ZAP70: variants seen among roughly 807,000 people sequenced by gnomAD.
ZAP70 encodes the protein zeta chain of T cell receptor associated protein kinase 70.
Under a neutral mutation model 65.8 loss-of-function variants are expected in ZAP70, and 27 were observed. The observed-to-expected ratio is 0.41, with a 90% CI of 0.30 to 0.57. ZAP70 has a LOEUF of 0.57. ZAP70 is among the 20% of genes least tolerant of loss of function. ZAP70 has a pLI of 0.28. For missense variants in ZAP70, 696 were observed against 870.5 expected (o/e 0.80, Z 2.52); for synonymous variants, 363 against 360.8 (o/e 1.01, Z -0.07).
At chr2:97,717,845 A>G (rs1186500504) in intron 2 of ZAP70, among the ~76,000 whole-genome samples, 2 of 152,180 alleles carry the variant, frequency 1.3e-5, no homozygotes, top group Non-Finnish European at 2.9e-5. Context: ...TTACCCAGGG[A>G]GGCTGGGTGA....
chr2:97,726,807 C>G (rs1046076018), intron 4 of ZAP70, among the ~76,000 whole-genome samples: 1 of 152,260 alleles, frequency 6.6e-6, no homozygotes, highest in African/African-American at 2.4e-5. Flanking sequence ...AACTTCTGAA[C>G]AGGACAGGGC....
At chr2:97,753,125 T>C in the ZAP70 span, among the ~76,000 whole-genome samples, 1 of 152,244 alleles carries the variant, frequency 6.6e-6, no homozygotes, top group Non-Finnish European at 1.5e-5. Context: ...TGATGAGGCC[T>C]GAGTCATGCA....
At chr2:97,718,417 T>C (rs1259994522) in intron 2 of ZAP70, among the ~76,000 whole-genome samples, 1 of 152,160 alleles carries the variant, frequency 6.6e-6, no homozygotes, top group Non-Finnish European at 1.5e-5. Context: ...CTCCCCAGCA[T>C]CTCTGGCCAT....
At position 97,735,441 on chromosome 2, in the gene ZAP70, T is replaced by A. The variant is rs764958623; in HGVS notation, c.1274T>A (p.Phe425Tyr). ...EMAGGGPLHK[F>Y]LVGKREEIPV... The stretch of plus-strand genomic sequence containing the variant: ...GCTGGGGGCGGGCCGCTGCACAAGT[T>A]CCTGGTCGGCAAGAGGTGAGCACCG... The change falls in exon 10 of 14, where the codon TTC becomes TAC. Residue 425 changes from phenylalanine (F) to tyrosine (Y), a missense_variant. Phe to Tyr is a conservative substitution (Grantham distance 22). Coordinates refer to ENST00000264972, the MANE Select transcript of ZAP70 (RefSeq NM_001079.4). 2 of 1,606,778 alleles carry A rather than the reference T, an allele frequency of 1.2e-6. No individual in the cohort carries two copies. The highest frequency in any genetic ancestry group is 1.7e-6 in the Non-Finnish European group (2 of 1,176,310).
chr2:97,717,146 G>A (rs1676952477), intron 2 of ZAP70, among the ~76,000 whole-genome samples: 1 of 152,186 alleles, frequency 6.6e-6, no homozygotes, highest in South Asian at 2.1e-4. Context: ...GAGCACAGCT[G>A]GGGGATTAAG....
At chr2:97,719,781 G>C (rs1677090251) in intron 2 of ZAP70, among the ~76,000 whole-genome samples, 1 of 152,044 alleles carries the variant, frequency 6.6e-6, no homozygotes, top group African/African-American at 2.4e-5. Context: ...TTTGACAAAT[G>C]CATACAGCCC....
the ZAP70 span, among the ~76,000 whole-genome samples, chr2:97,755,897 A>G: frequency 1.3e-5 from 2 of 152,226 alleles, no homozygotes; most frequent in Non-Finnish European, 1.5e-5. Flanking sequence ...GAAGGAAGGC[A>G]GCACAGTGGG....
In ZAP70 at chr2:97,728,095, A is replaced by G. The variant is rs538413399; in HGVS notation, c.563+2843A>G. Among the ~76,000 whole-genome samples the G allele has an allele frequency of 1.1e-4, 16 of 152,330 alleles. No individual in the cohort carries two copies. The South Asian group carries it at 2.9e-3, about 28-fold the overall frequency. ...TTGTGTGGCAGAGGTTTCACTGCCCAAAGGAAAAGTTCAAACAGTTTTTGT... is the reference window on the plus strand; with the variant it reads ...TTGTGTGGCAGAGGTTTCACTGCCCGAAGGAAAAGTTCAAACAGTTTTTGT... On this transcript the variant is annotated intron_variant, in intron 4 of 13. Coordinates refer to ENST00000264972, the MANE Select transcript of ZAP70 (RefSeq NM_001079.4).
At chr2:97,740,324 T>G (rs1678095593), downstream of ZAP70, among the ~76,000 whole-genome samples, 1 of 152,216 alleles carries the variant, frequency 6.6e-6, no homozygotes, top group East Asian at 1.9e-4. Context: ...AATACCAAAA[T>G]GCAAACATTG....
chr2:97,724,304 G>C lies in ZAP70; in HGVS notation c.268G>C (p.Asp90His). 6.3e-7 allele frequency: 1 copy of C among 1,589,632 alleles called. No homozygotes were observed. Among genetic ancestry groups the C allele is most frequent in the Non-Finnish European group, 8.6e-7 (1 of 1,169,376 alleles). Residue 90 changes from aspartate to histidine, a missense_variant, in exon 3 of 14, where the codon GAC becomes CAC. Transcript: ENST00000264972. ...AGAGCTCTGCGAGTTCTACTCGCGCGACCCCGACGGGCTGCCCTGCAACCT... is the reference window on the plus strand; with the variant it reads ...AGAGCTCTGCGAGTTCTACTCGCGCCACCCCGACGGGCTGCCCTGCAACCT... ...PAELCEFYSR[D>H]PDGLPCNLRK...
intron 4 of ZAP70, 29 bp downstream of exon 4, chr2:97,725,281 TGAGGATTGG>T: frequency 6.2e-7 from 1 of 1,609,474 alleles, no homozygotes; most frequent in South Asian, 1.1e-5. Flanking sequence ...TTGGGTGCGG[TGAGGATTGG>T]GGCTCGTTGG....
chr2:97,751,518 A>T, the ZAP70 span, among the ~76,000 whole-genome samples: 10 of 152,304 alleles, frequency 6.6e-5, no homozygotes, highest in South Asian at 2.1e-4. Context: ...TGCTATTTTT[A>T]AAAAAATTCC....
At chr2:97,734,384 C>G in intron 8 of ZAP70, 136 bp from the exon 9 acceptor site, 1 of 1,444,602 alleles carries the variant, frequency 6.9e-7, no homozygotes, top group Non-Finnish European at 9.1e-7. Flanking sequence ...TGCAGGAACA[C>G]GCATGGGCAC....
At position 97,733,318 on chromosome 2, in the gene ZAP70, C is replaced by T; in HGVS notation, c.812C>T (p.Pro271Leu). 6.3e-7 allele frequency: 1 copy of T among 1,598,620 alleles called. No homozygotes were observed. Among genetic ancestry groups the T allele is most frequent in the Non-Finnish European group, 8.5e-7 (1 of 1,171,326 alleles). ...CCAGGGGCTGCTGCTCCCACACTCC[C>T]AGCCCACCCATCCACGTTGACTCAT... ...NASGAAAPTL[P>L]AHPSTLTHPQ... Residue 271 changes from proline (P) to leucine (L), a missense_variant, in exon 7 of 14, where the codon CCA (proline) becomes CTA (leucine). Physicochemically the swap from Pro to Leu is moderately conservative, Grantham distance 98 (BLOSUM62 -3). Coordinates refer to ENST00000264972, the MANE Select transcript of ZAP70 (RefSeq NM_001079.4).
the ZAP70 span, among the ~76,000 whole-genome samples, chr2:97,745,941 GGT>G: frequency 1.8e-4 from 27 of 152,146 alleles, no homozygotes; most frequent in Admixed American, 1.8e-3. Context: ...AACAAAATGA[GGT>G]GTATACATTC....
At chr2:97,713,856 T>TG (rs1299899942) in intron 1 of ZAP70, 60 bp from the exon 2 acceptor site, 1 of 152,566 alleles carries the variant, frequency 6.6e-6, no homozygotes, top group Non-Finnish European at 1.5e-5. Context: ...CCTCTCAGGC[T>TG]GGGGGCTTGG....
intron 8 of ZAP70, 118 bp from the exon 9 acceptor site, chr2:97,734,402 C>T (rs1677752756): frequency 2.1e-6 from 3 of 1,454,282 alleles, no homozygotes. Flanking sequence ...CACCCACCTG[C>T]TTGTGCATGC....
At position 97,735,376 on chromosome 2, in the gene ZAP70, C is replaced by T; in HGVS notation, c.1209C>T (p.Gly403=). 6.2e-7 allele frequency: 1 copy of T among 1,614,094 alleles called. No individual in the cohort carries two copies. Among genetic ancestry groups the T allele is most frequent in the Non-Finnish European group, 8.5e-7 (1 of 1,179,978 alleles). The change falls in exon 10 of 14, where the codon GGC becomes GGT. Residue 403 remains glycine (G), a synonymous_variant. Transcript: ENST00000264972. ...LDNPYIVRLI[G]VCQAEALMLV... ...ACCCCTACATCGTGCGGCTCATTGG[C>T]GTCTGCCAGGCCGAGGCCCTCATGC... is the stretch of plus-strand genomic sequence containing the variant.
chr2:97,725,828 A>T (rs1321233140), intron 4 of ZAP70, among the ~76,000 whole-genome samples: 1 of 152,042 alleles, frequency 6.6e-6, no homozygotes, highest in Non-Finnish European at 1.5e-5. Context: ...TTTCAGGGGG[A>T]AGGGTGTTCC....
Sources: allele counts gnomAD v4.1 joint callset (sites outside exome capture counted in the v4.1 genomes callset), GRCh38; gene constraint gnomAD v4.1.1; transcripts MANE v1.5; gene names NCBI Gene and HGNC (gene_info 2026-07-23, HGNC 2026-07-21).